Variants in UVRAG observed in about 807,000 individuals in gnomAD.
UVRAG encodes the protein UV radiation resistance associated, also known as UV radiation resistance-associated gene protein.
A neutral mutation model predicts 78.0 loss-of-function variants in UVRAG; 19 were observed. That is an observed-to-expected ratio of 0.24 (90% CI 0.17 to 0.36). The LOEUF (loss-of-function observed/expected upper bound fraction) is 0.36, where lower values mean the gene tolerates loss of function less well. Among genes scored for constraint, UVRAG ranks in the 10% least tolerant of loss-of-function variants. The pLI, the probability that UVRAG is intolerant of heterozygous loss-of-function variation, is 1.00. For missense variants in UVRAG, 740 were observed against 853.8 expected (o/e 0.87, Z 1.66); for synonymous variants, 323 against 324.6 (o/e 1.00, Z 0.05).
chr11:75,907,746 C>G (rs887542249), intron 5 of UVRAG, among the ~76,000 whole-genome samples: 2 of 151,330 alleles, frequency 1.3e-5, no homozygotes, highest in African/African-American at 4.9e-5. Context: ...CCAGGCTGGT[C>G]TCTAACTCCT....
intron 8 of UVRAG, 46 bp downstream of exon 8, chr11:75,983,559 G>A: frequency 1.3e-6 from 2 of 1,500,918 alleles, no homozygotes; most frequent in Non-Finnish European, 8.9e-7. Flanking sequence ...ACATTCAGTA[G>A]TTCTCCTTTC....
At chr11:76,139,451 C>G (rs916460676) in intron 14 of UVRAG, among the ~76,000 whole-genome samples, 2 of 152,208 alleles carry the variant, frequency 1.3e-5, no homozygotes, top group African/African-American at 4.8e-5. Context: ...CAAGGCCAGG[C>G]ACATATGGGA....
intron 4 of UVRAG, among the ~76,000 whole-genome samples, chr11:75,884,293 G>T: frequency 6.7e-6 from 1 of 148,468 alleles, no homozygotes; most frequent in Non-Finnish European, 1.5e-5. Flanking sequence ...TTTTTAATTG[G>T]GTTGTTTGAA....
chr11:76,006,174 C>T (rs1370341287), intron 9 of UVRAG, among the ~76,000 whole-genome samples: 2 of 152,242 alleles, frequency 1.3e-5, no homozygotes, highest in Non-Finnish European at 2.9e-5. Flanking sequence ...ACACTCTTAT[C>T]GCTCAGGAAA....
intron 11 of UVRAG, 69 bp from the exon 12 acceptor site, chr11:76,016,746 T>C: frequency 1.5e-6 from 2 of 1,294,834 alleles, no homozygotes; most frequent in South Asian, 2.3e-5. Flanking sequence ...CTTTGAAAAT[T>C]ATTTATTATC....
At chr11:76,042,468 G>A (rs1158672424) in intron 12 of UVRAG, among the ~76,000 whole-genome samples, 1 of 152,162 alleles carries the variant, frequency 6.6e-6, no homozygotes, top group African/African-American at 2.4e-5. Flanking sequence ...TTCTCAAGAG[G>A]TCCCTATTGT....
At chr11:76,066,483 T>C (rs1951188418) in intron 13 of UVRAG, among the ~76,000 whole-genome samples, 1 of 152,308 alleles carries the variant, frequency 6.6e-6, no homozygotes, top group East Asian at 1.9e-4. Flanking sequence ...TTTTTTGTTT[T>C]TGTTTTTGAG....
intron 12 of UVRAG, among the ~76,000 whole-genome samples, chr11:76,036,886 C>A (rs539351722): frequency 6.6e-6 from 1 of 152,014 alleles, no homozygotes; most frequent in East Asian, 1.9e-4. Context: ...AAAATTGATC[C>A]AAAAAGAAAT....
At chr11:76,002,438 G>A (rs991084403) in intron 8 of UVRAG, among the ~76,000 whole-genome samples, 6 of 152,142 alleles carry the variant, frequency 3.9e-5, no homozygotes, top group African/African-American at 1.4e-4. Flanking sequence ...CTTCTGAACT[G>A]AGGAAGGGGA....
chr11:76,032,283 A>G (rs536338914), intron 12 of UVRAG, among the ~76,000 whole-genome samples: 1 of 152,308 alleles, frequency 6.6e-6, no homozygotes, highest in East Asian at 1.9e-4. Flanking sequence ...TAATCCAGAT[A>G]GTTTTAACTA....
chr11:76,042,034 G>A (rs976106840), intron 12 of UVRAG, among the ~76,000 whole-genome samples: 2 of 152,076 alleles, frequency 1.3e-5, no homozygotes, highest in Non-Finnish European at 2.9e-5. Context: ...CTAGTAAAAC[G>A]GTTTCGAGTA....
At chr11:75,892,038 G>A (rs565169985) in intron 5 of UVRAG, among the ~76,000 whole-genome samples, 1 of 152,240 alleles carries the variant, frequency 6.6e-6, no homozygotes, top group South Asian at 2.1e-4. Context: ...TGACTAAAAG[G>A]GCTTGTCGAT....
At chr11:76,086,508 G>A (rs911704835) in intron 13 of UVRAG, among the ~76,000 whole-genome samples, 1 of 152,112 alleles carries the variant, frequency 6.6e-6, no homozygotes, top group Non-Finnish European at 1.5e-5. Flanking sequence ...TTTTTAATGT[G>A]TTCCCAGATC....
rs191550570 is a variant in UVRAG at position 76,101,097 on chromosome 11, C to T, written c.1306-14827C>T. Among the ~76,000 whole-genome samples the T allele has an allele frequency of 6.2e-4, 92 of 147,530 alleles. 1 individual carries two copies. Among genetic ancestry groups the T allele is most frequent in the Non-Finnish European group, 1.2e-3 (81 of 67,862 alleles). On this transcript the variant is annotated intron_variant, in intron 13 of 14. Coordinates refer to ENST00000356136, the MANE Select transcript of UVRAG (RefSeq NM_003369.4). ...ACGTGCATATGTCTTTATGATAAAA[C>T]GATTTGTATTCCTTTGGATGTATAC...
In UVRAG at chr11:76,134,136, T is replaced by C. The variant is rs1952561429; in HGVS notation, c.1398-6575T>C. Among the ~76,000 whole-genome samples, 3 of 152,076 alleles carry C rather than the reference T, an allele frequency of 2.0e-5. No homozygotes were observed. The South Asian group carries it at 6.2e-4, about 32-fold the overall frequency. On this transcript the variant is annotated intron_variant, in intron 14 of 14. Transcript: ENST00000356136. ...CCACTACACCGGGCTAATTTTTGTA[T>C]TTTTAGTAGAGATGGGGTTTTGCCA...
intron 7 of UVRAG, among the ~76,000 whole-genome samples, chr11:75,963,805 T>G (rs1295845143): frequency 3.9e-5 from 6 of 152,200 alleles, no homozygotes; most frequent in Non-Finnish European, 2.9e-5. Flanking sequence ...TCATTTTGAA[T>G]TTTTACTTAT....
At chr11:76,118,891 T>C (rs1952229378) in intron 14 of UVRAG, among the ~76,000 whole-genome samples, 3 of 152,230 alleles carry the variant, frequency 2.0e-5, no homozygotes, top group Admixed American at 2.0e-4. Context: ...GAACAGTTCA[T>C]ATAAGATAGG....
chr11:76,009,671 T>C (rs998020357), intron 11 of UVRAG, among the ~76,000 whole-genome samples: 4 of 152,198 alleles, frequency 2.6e-5, no homozygotes, highest in Admixed American at 2.6e-4. Flanking sequence ...TTGGTGATCA[T>C]TTAACATCTA....
chr11:75,979,290 G>T (rs560229096), intron 7 of UVRAG, among the ~76,000 whole-genome samples: 8 of 152,348 alleles, frequency 5.3e-5, no homozygotes, highest in African/African-American at 1.9e-4. Flanking sequence ...GCCCCTGCTG[G>T]GAGGTGCCTC....
Sources: gnomAD v4.1 joint callset for allele counts (sites outside exome capture counted in the v4.1 genomes callset) on GRCh38, gnomAD v4.1.1 for gene constraint, MANE v1.5 for transcripts, NCBI Gene and HGNC (gene_info 2026-07-23, HGNC 2026-07-21) for gene names.